B4GALT1: variants seen among roughly 807,000 people sequenced by gnomAD.
B4GALT1 encodes the protein N-acetyllactosamine synthase.
In B4GALT1, 16 loss-of-function variants were observed where a neutral mutation model predicts 34.9. The ratio of observed to expected loss-of-function variants is 0.46; its 90% CI spans 0.31 to 0.70. B4GALT1 has a LOEUF of 0.70. Ranked by LOEUF, B4GALT1 falls within the 30% of genes least tolerant of loss-of-function variation. B4GALT1 has a pLI of 0.05. For synonymous variants in B4GALT1, 221 were observed against 218.1 expected (o/e 1.01, Z -0.12); for missense variants, 445 against 530.5 (o/e 0.84, Z 1.58).
intron 1 of B4GALT1, among the ~76,000 whole-genome samples, chr9:33,154,353 A>G (rs1840566929): frequency 6.6e-6 from 1 of 152,232 alleles, no homozygotes; most frequent in African/African-American, 2.4e-5. Context: ...TCAACCTGAT[A>G]AAGGGCACCT....
the B4GALT1 span, among the ~76,000 whole-genome samples, chr9:33,181,609 G>A: frequency 6.6e-6 from 1 of 152,130 alleles, no homozygotes. Context: ...TAACTACGGG[G>A]TCGCTATGGC....
At chr9:33,164,709 A>G (rs916368523) in intron 1 of B4GALT1, among the ~76,000 whole-genome samples, 11 of 152,230 alleles carry the variant, frequency 7.2e-5, no homozygotes, top group African/African-American at 2.7e-4. Flanking sequence ...AAGATGTGAT[A>G]CTCAAATACC....
chr9:33,142,094 T>C (rs1587741313), intron 1 of B4GALT1, among the ~76,000 whole-genome samples: 1 of 152,302 alleles, frequency 6.6e-6, no homozygotes, highest in East Asian at 1.9e-4. Context: ...GCGATTCTCC[T>C]GCCACAGCCT....
intron 1 of B4GALT1, 76 bp downstream of exon 1, chr9:33,166,682 G>C (rs1840760067): frequency 2.1e-6 from 3 of 1,410,388 alleles, no homozygotes; most frequent in Non-Finnish European, 2.8e-6. Context: ...CCAGCCTGAG[G>C]GAATGTCTGG....
At chr9:33,172,911 C>T in the B4GALT1 span, among the ~76,000 whole-genome samples, 2 of 150,846 alleles carry the variant, frequency 1.3e-5, no homozygotes, top group Non-Finnish European at 1.5e-5. Context: ...GGTGTCAAAG[C>T]CCAACCAGGA....
At chr9:33,181,017 T>C in the B4GALT1 span, among the ~76,000 whole-genome samples, 2 of 152,170 alleles carry the variant, frequency 1.3e-5, no homozygotes, top group African/African-American at 2.4e-5. Flanking sequence ...CAACAGACTA[T>C]CAAATGCAGC....
chr9:33,155,852 T>C (rs1840587210), intron 1 of B4GALT1, among the ~76,000 whole-genome samples: 2 of 152,194 alleles, frequency 1.3e-5, no homozygotes, highest in South Asian at 4.1e-4. Flanking sequence ...TATTACCATA[T>C]AACTAACCTC....
At chr9:33,162,486 C>T (rs1840688704) in intron 1 of B4GALT1, among the ~76,000 whole-genome samples, 1 of 152,158 alleles carries the variant, frequency 6.6e-6, no homozygotes, top group Non-Finnish European at 1.5e-5. Context: ...TTATCAGATG[C>T]CTTAGCCGTC....
chr9:33,163,098 G>A (rs911224689), intron 1 of B4GALT1, among the ~76,000 whole-genome samples: 2 of 152,106 alleles, frequency 1.3e-5, no homozygotes, highest in Non-Finnish European at 2.9e-5. Flanking sequence ...CCCCAAAAGG[G>A]CGAGAGAGAG....
downstream of B4GALT1, among the ~76,000 whole-genome samples, chr9:33,105,901 T>C (rs954816432): frequency 5.4e-5 from 7 of 129,608 alleles, no homozygotes; most frequent in Admixed American, 4.0e-4. Flanking sequence ...TTTTTTTTTT[T>C]TGGCTACTGT....
At chr9:33,162,542 C>A (rs1397358498) in intron 1 of B4GALT1, among the ~76,000 whole-genome samples, 3 of 152,170 alleles carry the variant, frequency 2.0e-5, no homozygotes, top group African/African-American at 4.8e-5. Context: ...TCAGATGGAC[C>A]AAAAGACACA....
chr9:33,154,968 G>T (rs1463928590), intron 1 of B4GALT1, among the ~76,000 whole-genome samples: 5 of 152,140 alleles, frequency 3.3e-5, no homozygotes, highest in East Asian at 3.8e-4. Context: ...GGTGGATGTG[G>T]ATTTCTCCAG....
the B4GALT1 span, among the ~76,000 whole-genome samples, chr9:33,177,664 C>CA: frequency 5.9e-5 from 9 of 151,770 alleles, no homozygotes; most frequent in African/African-American, 1.5e-4. Flanking sequence ...AACAAACAAA[C>CA]AAAAAAAACT....
the B4GALT1 span, among the ~76,000 whole-genome samples, chr9:33,181,384 A>T: frequency 2.0e-5 from 3 of 150,140 alleles, no homozygotes; most frequent in African/African-American, 7.3e-5. Flanking sequence ...TGATTGCACC[A>T]CTGCATTCCA....
chr9:33,126,664 TA>T (rs1840113345), intron 2 of B4GALT1, among the ~76,000 whole-genome samples: 1 of 31,220 alleles, frequency 3.2e-5, no homozygotes, highest in Non-Finnish European at 1.0e-4. Context: ...ACCATAGCAA[TA>T]TGGTAGCTCA....
chr9:33,113,399 A>G lies in B4GALT1; in HGVS notation c.*55T>C. Reference sequence around the variant, plus strand: ...GGACCAGCCCAGCAGATTGGCAGAGACACACAGCAGAGGTCCCTGGCTAAT... The same window carrying G: ...GGACCAGCCCAGCAGATTGGCAGAGGCACACAGCAGAGGTCCCTGGCTAAT... On this transcript the variant is annotated 3_prime_UTR_variant, in exon 6 of 6. Transcript: ENST00000379731. 1 of 1,613,420 alleles carries G rather than the reference A, an allele frequency of 6.2e-7. No homozygotes were observed. The highest frequency in any genetic ancestry group is 8.5e-7 in the Non-Finnish European group (1 of 1,179,616).
chr9:33,176,505 T>C, the B4GALT1 span, among the ~76,000 whole-genome samples: 2 of 152,118 alleles, frequency 1.3e-5, no homozygotes, highest in Admixed American at 6.5e-5. Context: ...CTTTCTGAGA[T>C]CTCAACAGTC....
chr9:33,123,078 G>A (rs1182138605), intron 2 of B4GALT1, among the ~76,000 whole-genome samples: 1 of 152,056 alleles, frequency 6.6e-6, no homozygotes, highest in Non-Finnish European at 1.5e-5. Context: ...AGGAGTTTGA[G>A]ACCAGCCTGG....
intron 3 of B4GALT1, among the ~76,000 whole-genome samples, chr9:33,120,046 T>A (rs959207453): frequency 6.6e-6 from 1 of 151,918 alleles, no homozygotes; most frequent in Non-Finnish European, 1.5e-5. Context: ...TAGCTGCGCA[T>A]GGTGGCAAGT....
Sources: gnomAD v4.1 joint callset for allele counts (sites outside exome capture counted in the v4.1 genomes callset) on GRCh38, gnomAD v4.1.1 for gene constraint, MANE v1.5 for transcripts, NCBI Gene and HGNC (gene_info 2026-07-23, HGNC 2026-07-21) for gene names.